SPATS2L: variants seen among roughly 807,000 people sequenced by gnomAD.
SPATS2L encodes the protein spermatogenesis associated serine rich 2 like.
A neutral mutation model predicts 59.6 loss-of-function variants in SPATS2L; 30 were observed. The observed-to-expected ratio is 0.50, with a 90% CI of 0.38 to 0.68. SPATS2L has a LOEUF of 0.68. Ranked by LOEUF, SPATS2L falls within the 30% of genes least tolerant of loss-of-function variation. SPATS2L has a pLI of 0.00. For synonymous variants in SPATS2L, 252 were observed against 263.5 expected (o/e 0.96, Z 0.42); for missense variants, 615 against 700.0 (o/e 0.88, Z 1.37).
Position 200,423,871 on chromosome 2 carries a change from T to A in SPATS2L, c.445+4375T>A, listed in dbSNP as rs528727797. ...CATTCAGGATCTCTCTTTTTAAAAG[T>A]CTTAAACAGAATCATTTTTTGGTAG... On this transcript the variant is annotated intron_variant, in intron 6 of 12. Coordinates refer to ENST00000409140, the MANE Select transcript of SPATS2L (RefSeq NM_001100423.2). 5.9e-5 allele frequency among the ~76,000 whole-genome samples: 9 copies of A among 152,316 alleles called. No individual in the cohort carries two copies. The South Asian group carries it at 1.9e-3, about 32-fold the overall frequency.
At chr2:200,429,640 G>A (rs2083789889) in intron 6 of SPATS2L, among the ~76,000 whole-genome samples, 1 of 152,170 alleles carries the variant, frequency 6.6e-6, no homozygotes, top group South Asian at 2.1e-4. Flanking sequence ...CTGGGTTCCT[G>A]TGAATAATAA....
intron 12 of SPATS2L, 145 bp from the exon 13 acceptor site, chr2:200,477,491 A>G: frequency 3.5e-6 from 2 of 573,518 alleles, no homozygotes; most frequent in Admixed American, 9.0e-5. Context: ...CCTCATCTTC[A>G]TGTTTTCTGA....
chr2:200,306,848 G>A lies in SPATS2L; in HGVS notation c.-147G>A, dbSNP rs2079030992. On this transcript the variant is annotated 5_prime_UTR_variant, in exon 1 of 13. Transcript: ENST00000409140. The stretch of plus-strand genomic sequence containing the variant: ...GAGCCGCAGGGGCCGCCACCGCCGC[G>A]GCGCCTCCCCTGGCGACCGCGCCCC... 1.8e-5 allele frequency: 18 copies of A among 980,890 alleles called. No individual in the cohort carries two copies. The highest frequency in any genetic ancestry group is 4.7e-5 in the South Asian group (1 of 21,268). The allele number at this position is 980,890 out of a possible 1,614,324, so 60.8% of individuals were successfully genotyped here.
chr2:200,376,203 T>TA (rs1031200553), intron 2 of SPATS2L, among the ~76,000 whole-genome samples: 1 of 152,226 alleles, frequency 6.6e-6, no homozygotes, highest in African/African-American at 2.4e-5. Context: ...TTAAATCTGT[T>TA]AAAGTCATGT....
At chr2:200,465,838 A>G (rs2086555610) in intron 9 of SPATS2L, among the ~76,000 whole-genome samples, 1 of 152,184 alleles carries the variant, frequency 6.6e-6, no homozygotes, top group Admixed American at 6.5e-5. Flanking sequence ...CAAGACCACC[A>G]TGGCTAACAT....
chr2:200,396,841 T>A (rs1284791107), intron 3 of SPATS2L, among the ~76,000 whole-genome samples: 1 of 152,182 alleles, frequency 6.6e-6, no homozygotes, highest in Non-Finnish European at 1.5e-5. Flanking sequence ...GCTTTCAGAT[T>A]TCACCATGAA....
chr2:200,401,775 A>G (rs1223800499), intron 3 of SPATS2L, among the ~76,000 whole-genome samples: 2 of 152,128 alleles, frequency 1.3e-5, no homozygotes, highest in African/African-American at 4.8e-5. Context: ...CTATGTTTTG[A>G]AAATTCACCA....
At chr2:200,319,584 AAAAAGC>A (rs1400377966) in intron 1 of SPATS2L, among the ~76,000 whole-genome samples, 1 of 151,614 alleles carries the variant, frequency 6.6e-6, no homozygotes, top group Non-Finnish European at 1.5e-5. Context: ...AAAAAAAAAA[AAAAAGC>A]ATCTTGAATG....
intron 2 of SPATS2L, among the ~76,000 whole-genome samples, chr2:200,333,945 T>C (rs557968193): frequency 2.5e-4 from 38 of 152,312 alleles, no homozygotes; most frequent in East Asian, 2.1e-3. Flanking sequence ...CTATTGTGAA[T>C]AGTGCCGCAA....
At chr2:200,414,502 T>C (rs1191732417) in intron 4 of SPATS2L, among the ~76,000 whole-genome samples, 1 of 152,042 alleles carries the variant, frequency 6.6e-6, no homozygotes, top group Non-Finnish European at 1.5e-5. Context: ...TGGTGACACA[T>C]GCCTGTAGTC....
intron 2 of SPATS2L, among the ~76,000 whole-genome samples, chr2:200,342,701 AG>A (rs2080372259): frequency 6.6e-6 from 1 of 152,212 alleles, no homozygotes; most frequent in African/African-American, 2.4e-5. Flanking sequence ...CTGCATACCC[AG>A]GGTCACCCTG....
intron 2 of SPATS2L, among the ~76,000 whole-genome samples, chr2:200,383,157 T>C (rs948265299): frequency 6.6e-6 from 1 of 152,146 alleles, no homozygotes; most frequent in Non-Finnish European, 1.5e-5. Flanking sequence ...AGTTCCCAGG[T>C]GATGCTGAGG....
At chr2:200,475,021 G>T (rs774031379) in intron 12 of SPATS2L, among the ~76,000 whole-genome samples, 10 of 152,186 alleles carry the variant, frequency 6.6e-5, no homozygotes, top group Non-Finnish European at 1.3e-4. Flanking sequence ...CTGCTCACAG[G>T]ATCTGCCTGG....
intron 8 of SPATS2L, among the ~76,000 whole-genome samples, chr2:200,449,126 T>TG (rs2085266778): frequency 6.6e-6 from 1 of 152,208 alleles, no homozygotes; most frequent in Non-Finnish European, 1.5e-5. Context: ...TCTAAATAGG[T>TG]GTAGCTCACT....
intron 8 of SPATS2L, among the ~76,000 whole-genome samples, chr2:200,441,478 A>C (rs557103523): frequency 1.3e-5 from 2 of 152,276 alleles, no homozygotes; most frequent in South Asian, 4.1e-4. Flanking sequence ...GACAAAAGAG[A>C]ATTTATTGGC....
intron 9 of SPATS2L, among the ~76,000 whole-genome samples, chr2:200,464,777 CA>C (rs10711904): frequency 0.78 from 118,169 of 152,048 alleles, 48,949 homozygotes; most frequent in Non-Finnish European, 0.92. Flanking sequence ...CTGCGCCTGG[CA>C]ACAGAATTAA....
At chr2:200,330,807 C>T (rs2079916275) in intron 2 of SPATS2L, among the ~76,000 whole-genome samples, 1 of 152,200 alleles carries the variant, frequency 6.6e-6, no homozygotes, top group Non-Finnish European at 1.5e-5. Context: ...AGCTGCCTGT[C>T]ACTAATCATA....
At chr2:200,347,377 C>G (rs2080549881) in intron 2 of SPATS2L, among the ~76,000 whole-genome samples, 1 of 152,204 alleles carries the variant, frequency 6.6e-6, no homozygotes, top group African/African-American at 2.4e-5. Context: ...CTGCGCATGT[C>G]TTGACTCTGC....
intron 8 of SPATS2L, among the ~76,000 whole-genome samples, chr2:200,450,923 T>C (rs2106151301): frequency 6.6e-6 from 1 of 152,100 alleles, no homozygotes; most frequent in Admixed American, 6.5e-5. Context: ...AGACTAGAAA[T>C]TTGCCAGATG....
Sources: allele counts gnomAD v4.1 joint callset (sites outside exome capture counted in the v4.1 genomes callset), GRCh38; gene constraint gnomAD v4.1.1; transcripts MANE v1.5; gene names NCBI Gene and HGNC (gene_info 2026-07-23, HGNC 2026-07-21).